Variants in COL19A1 observed in about 807,000 individuals in gnomAD.
The protein encoded by COL19A1 is collagen type XIX alpha 1 chain.
In COL19A1, 159 loss-of-function variants were observed where a neutral mutation model predicts 190.2. That is an observed-to-expected ratio of 0.84 (90% CI 0.73 to 0.95). The LOEUF (loss-of-function observed/expected upper bound fraction) is 0.95. Among genes scored for constraint, COL19A1 ranks in the 40% least tolerant of loss-of-function variants. The pLI, the probability that COL19A1 is intolerant of heterozygous loss-of-function variation, is 0.00. For synonymous variants in COL19A1, 509 were observed against 458.9 expected (o/e 1.11, Z -1.39); for missense variants, 1,418 against 1,431.9 (o/e 0.99, Z 0.16).
chr6:70,169,461 A>G (rs1036910253), intron 40 of COL19A1, among the ~76,000 whole-genome samples: 1 of 152,246 alleles, frequency 6.6e-6, no homozygotes, highest in African/African-American at 2.4e-5. Context: ...AAAAATTTAA[A>G]GCCTTTTCAT....
At chr6:70,102,304 C>T (rs1783688456) in intron 16 of COL19A1, 82 bp downstream of exon 16, 8 of 1,020,066 alleles carry the variant, frequency 7.8e-6, no homozygotes, top group Admixed American at 3.5e-5. Context: ...TTTTACTCCC[C>T]TGTAGATAAT....
intron 9 of COL19A1, among the ~76,000 whole-genome samples, chr6:69,957,194 A>G (rs1774473352): frequency 1.3e-5 from 2 of 152,096 alleles, no homozygotes; most frequent in African/African-American, 4.8e-5. Flanking sequence ...AAGAAAACTA[A>G]TAATTTATAG....
intron 1 of COL19A1, among the ~76,000 whole-genome samples, chr6:69,871,574 T>C (rs1767824487): frequency 6.6e-6 from 1 of 152,206 alleles, no homozygotes; most frequent in Admixed American, 6.5e-5. Flanking sequence ...TCTTTCTATT[T>C]CCTCCTCTTT....
intron 2 of COL19A1, among the ~76,000 whole-genome samples, chr6:69,891,827 A>C (rs1769372360): frequency 6.6e-6 from 1 of 152,314 alleles, no homozygotes. Flanking sequence ...ATCAGCAGGA[A>C]TCAGCCACAC....
intron 2 of COL19A1, among the ~76,000 whole-genome samples, chr6:69,886,856 C>T (rs1418247457): frequency 6.6e-6 from 1 of 152,172 alleles, no homozygotes; most frequent in African/African-American, 2.4e-5. Context: ...GCTATTTCCA[C>T]TGCCTTGCCA....
intron 36 of COL19A1, 47 bp downstream of exon 36, chr6:70,163,443 G>A (rs769492885): frequency 7.0e-6 from 11 of 1,564,696 alleles, no homozygotes; most frequent in Non-Finnish European, 8.8e-6. Context: ...GGCTTGGAGT[G>A]GGAGCAGGAT....
chr6:70,198,332 A>G (rs1767338621), intron 48 of COL19A1, among the ~76,000 whole-genome samples: 2 of 152,366 alleles, frequency 1.3e-5, no homozygotes, highest in South Asian at 4.1e-4. Flanking sequence ...TTTAAATTGA[A>G]TATTTATTTC....
At chr6:69,934,364 A>G (rs562274093) in intron 7 of COL19A1, among the ~76,000 whole-genome samples, 9 of 151,914 alleles carry the variant, frequency 5.9e-5, no homozygotes, top group Non-Finnish European at 1.2e-4. Flanking sequence ...TTCCCCCAAA[A>G]TTTTGTTTTT....
At chr6:70,183,315 G>A (rs977341696) in intron 44 of COL19A1, among the ~76,000 whole-genome samples, 4 of 152,164 alleles carry the variant, frequency 2.6e-5, no homozygotes, top group African/African-American at 9.7e-5. Context: ...TGAGATGAGG[G>A]TAGAGAGGAG....
intron 37 of COL19A1, among the ~76,000 whole-genome samples, chr6:70,167,291 G>T (rs923897640): frequency 6.6e-6 from 1 of 152,068 alleles, no homozygotes; most frequent in African/African-American, 2.4e-5. Context: ...GAAAGGAAAA[G>T]GCAGATTTGA....
intron 19 of COL19A1, among the ~76,000 whole-genome samples, chr6:70,139,881 C>T (rs1397457451): frequency 6.6e-6 from 1 of 151,138 alleles, no homozygotes; most frequent in African/African-American, 2.4e-5. Flanking sequence ...GGAGCCAGGA[C>T]TAAATATCAA....
At chr6:70,151,703 G>T (rs1787067298) in intron 31 of COL19A1, among the ~76,000 whole-genome samples, 1 of 152,016 alleles carries the variant, frequency 6.6e-6, no homozygotes, top group African/African-American at 2.4e-5. Flanking sequence ...GTTATGAATT[G>T]GCTACAGGGA....
intron 49 of COL19A1, among the ~76,000 whole-genome samples, chr6:70,204,582 A>G (rs1340799726): frequency 6.6e-6 from 1 of 152,224 alleles, no homozygotes; most frequent in Non-Finnish European, 1.5e-5. Flanking sequence ...GTAATACCAC[A>G]TGAACCGAAA....
intron 14 of COL19A1, among the ~76,000 whole-genome samples, 167 bp from the exon 15 acceptor site, chr6:70,068,256 G>C (rs544816446): frequency 6.6e-6 from 1 of 151,942 alleles, no homozygotes; most frequent in South Asian, 2.1e-4. Context: ...AGTCAAAGAA[G>C]GGCAATTCAT....
At chr6:70,125,879 G>A (rs1785163941) in intron 17 of COL19A1, among the ~76,000 whole-genome samples, 1 of 152,156 alleles carries the variant, frequency 6.6e-6, no homozygotes, top group Non-Finnish European at 1.5e-5. Flanking sequence ...TCCAGCTCTG[G>A]GGGTTTTAAT....
chr6:69,922,806 A>C (rs897281261), intron 4 of COL19A1, among the ~76,000 whole-genome samples: 1 of 152,120 alleles, frequency 6.6e-6, no homozygotes, highest in East Asian at 1.9e-4. Flanking sequence ...TTTATTAAAC[A>C]TCAAAGTATC....
intron 14 of COL19A1, among the ~76,000 whole-genome samples, chr6:70,049,211 T>C (rs1582778503): frequency 1.3e-5 from 2 of 151,972 alleles, no homozygotes; most frequent in African/African-American, 4.8e-5. Context: ...TCATTGTTAG[T>C]TTTCTGAAAC....
Position 69,953,951 on chromosome 6 carries a change from C to T in COL19A1, c.937-6045C>T, listed in dbSNP as rs888799378. ...ACATATAACTGGTATTTTATAAAGACATCTATGATTTTAGATATTAGAGTT... is the reference window on the plus strand; with the variant it reads ...ACATATAACTGGTATTTTATAAAGATATCTATGATTTTAGATATTAGAGTT... On this transcript the variant is annotated intron_variant, in intron 9 of 50. Transcript: ENST00000620364. Among the ~76,000 whole-genome samples the T allele has an allele frequency of 8.5e-5, 13 of 152,054 alleles. No individual in the cohort carries two copies. In the South Asian group the frequency reaches 2.5e-3, roughly 29 times the overall value.
At chr6:69,947,892 T>C (rs1480614286) in intron 9 of COL19A1, among the ~76,000 whole-genome samples, 1 of 151,896 alleles carries the variant, frequency 6.6e-6, no homozygotes, top group Non-Finnish European at 1.5e-5. Context: ...CAAACTCTAT[T>C]GAAAAACAAT....
Sources: gnomAD v4.1 joint callset for allele counts (sites outside exome capture counted in the v4.1 genomes callset) on GRCh38, gnomAD v4.1.1 for gene constraint, MANE v1.5 for transcripts, NCBI Gene and HGNC (gene_info 2026-07-23, HGNC 2026-07-21) for gene names.